Variants in OSBPL9 observed in about 807,000 individuals in gnomAD.
OSBPL9 encodes the protein oxysterol binding protein like 9, also known as oxysterol-binding protein-related protein 9.
A neutral mutation model predicts 106.6 loss-of-function variants in OSBPL9; 40 were observed. That is an observed-to-expected ratio of 0.38 (90% CI 0.29 to 0.49). OSBPL9 has a LOEUF of 0.49. Ranked by LOEUF, OSBPL9 falls within the 20% of genes least tolerant of loss-of-function variation. OSBPL9 has a pLI of 0.97. For synonymous variants in OSBPL9, 269 were observed against 295.4 expected (o/e 0.91, Z 0.92); for missense variants, 609 against 887.2 (o/e 0.69, Z 3.98).
chr1:51,747,033 G>C (rs961881399), intron 6 of OSBPL9, among the ~76,000 whole-genome samples: 26 of 152,122 alleles, frequency 1.7e-4, no homozygotes, highest in African/African-American at 6.3e-4. Context: ...GCATTGGCAC[G>C]ATCTCAGCTC....
At chr1:51,740,239 T>C (rs1238437599) in intron 4 of OSBPL9, 4 of 1,494,382 alleles carry the variant, frequency 2.7e-6, no homozygotes, top group Non-Finnish European at 3.6e-6. Flanking sequence ...AAGTATGCTC[T>C]ATACTTCTTT....
At chr1:51,778,107 G>A (rs947565591) in intron 15 of OSBPL9, among the ~76,000 whole-genome samples, 1 of 152,114 alleles carries the variant, frequency 6.6e-6, no homozygotes, top group African/African-American at 2.4e-5. Flanking sequence ...GGGACTGTGA[G>A]CTATAATCAC....
At chr1:51,558,909 T>G in the OSBPL9 span, among the ~76,000 whole-genome samples, 1 of 152,122 alleles carries the variant, frequency 6.6e-6, no homozygotes, top group Non-Finnish European at 1.5e-5. Context: ...GGAGTCCCAA[T>G]GGTAAGAGGA....
chr1:51,535,270 C>G, the OSBPL9 span, among the ~76,000 whole-genome samples: 1 of 152,126 alleles, frequency 6.6e-6, no homozygotes, highest in Non-Finnish European at 1.5e-5. Flanking sequence ...CTCTAGGCAT[C>G]TAGGAGAGGG....
chr1:51,690,352 A>G (rs1045858408), intron 3 of OSBPL9, among the ~76,000 whole-genome samples: 3 of 152,218 alleles, frequency 2.0e-5, no homozygotes, highest in African/African-American at 4.8e-5. Flanking sequence ...CTGGTTGCCC[A>G]CTACAGTGCT....
intron 3 of OSBPL9, among the ~76,000 whole-genome samples, chr1:51,703,936 G>A (rs1329604904): frequency 1.3e-5 from 2 of 152,128 alleles, no homozygotes; most frequent in African/African-American, 2.4e-5. Context: ...GCTGGATTAC[G>A]TTTATTGATT....
intron 3 of OSBPL9, among the ~76,000 whole-genome samples, chr1:51,692,735 T>C (rs1655238920): frequency 6.7e-6 from 1 of 148,388 alleles, no homozygotes; most frequent in South Asian, 2.2e-4. Context: ...TGATCATGGC[T>C]CACTGCAGCC....
At position 51,765,907 on chromosome 1, in the gene OSBPL9, C is replaced by T; in HGVS notation, c.864C>T (p.Tyr288=). 1 of 1,614,062 alleles carries T rather than the reference C, an allele frequency of 6.2e-7. No individual in the cohort carries two copies. Among genetic ancestry groups the T allele is most frequent in the Non-Finnish European group, 8.5e-7 (1 of 1,179,964 alleles). Reference sequence around the variant, plus strand: ...CAAATACAGTCCCAGAGTTCTCTTACTCCAGCAGTGAAGATGAATTTTATG... The same window carrying T: ...CAAATACAGTCCCAGAGTTCTCTTATTCCAGCAGTGAAGATGAATTTTATG... ...LSPNTVPEFS[Y]SSSEDEFYDA... Residue 288 remains tyrosine (Y), a synonymous_variant, in exon 12 of 24, where the codon TAC becomes TAT. Coordinates refer to ENST00000428468, the MANE Select transcript of OSBPL9 (RefSeq NM_024586.6).
In OSBPL9 at chr1:51,784,526, C is replaced by T. The variant is rs746444809; in HGVS notation, c.1773C>T (p.Ile591=). 7 of 1,613,726 alleles carry T rather than the reference C, an allele frequency of 4.3e-6. No individual in the cohort carries two copies. The highest frequency in any genetic ancestry group is 5.9e-6 in the Non-Finnish European group (7 of 1,179,702). ...AAACAGGCTATAGTGCAAATATCAT[C>T]TTCCACACTAAACCCTTCTATGGGG... is the stretch of plus-strand genomic sequence containing the variant. ...CSKTGYSANI[I]FHTKPFYGGK... Residue 591 remains isoleucine (I), a synonymous_variant, in exon 20 of 24, where the codon ATC becomes ATT. Coordinates refer to ENST00000428468, the MANE Select transcript of OSBPL9 (RefSeq NM_024586.6).
the OSBPL9 span, among the ~76,000 whole-genome samples, chr1:51,539,092 C>T: frequency 6.6e-6 from 1 of 152,158 alleles, no homozygotes; most frequent in South Asian, 2.1e-4. Flanking sequence ...AAATTTACAT[C>T]TTTTTCCCAG....
chr1:51,652,168 A>G (rs1646556581), intron 2 of OSBPL9, 127 bp downstream of exon 2: 2 of 655,674 alleles, frequency 3.1e-6, no homozygotes, highest in African/African-American at 3.7e-5. Flanking sequence ...TCTAAGTCTC[A>G]GAGAGAAAAT....
At chr1:51,772,546 A>G in intron 13 of OSBPL9, 59 bp from the exon 14 acceptor site, 1 of 1,265,958 alleles carries the variant, frequency 7.9e-7, no homozygotes, top group Non-Finnish European at 1.2e-6. Context: ...TTGTAATTCT[A>G]GTATCAGGAC....
chr1:51,770,506 G>A (rs1673634595), intron 12 of OSBPL9, among the ~76,000 whole-genome samples: 1 of 152,106 alleles, frequency 6.6e-6, no homozygotes, highest in Admixed American at 6.6e-5. Context: ...TCAAACTCCT[G>A]GGCTCAAGTG....
At chr1:51,727,815 T>C (rs1314405804) in intron 4 of OSBPL9, among the ~76,000 whole-genome samples, 3 of 152,258 alleles carry the variant, frequency 2.0e-5, no homozygotes, top group African/African-American at 7.2e-5. Flanking sequence ...ATGGGCAACA[T>C]GAGACCTGTG....
intron 1 of OSBPL9, among the ~76,000 whole-genome samples, chr1:51,596,560 CAAAAA>C (rs1181151999): frequency 3.5e-5 from 1 of 28,790 alleles, no homozygotes; most frequent in Admixed American, 3.8e-4. Context: ...ACTCTTGTCG[CAAAAA>C]AAAAAAAAAA....
the OSBPL9 span, among the ~76,000 whole-genome samples, chr1:51,550,436 A>G: frequency 6.6e-6 from 1 of 152,264 alleles, no homozygotes; most frequent in Non-Finnish European, 1.5e-5. Context: ...CATCTGCAAG[A>G]GGAAAACATC....
chr1:51,730,144 TG>T, intron 4 of OSBPL9: 5 of 1,244,556 alleles, frequency 4.0e-6, no homozygotes, highest in Non-Finnish European at 5.1e-6. Context: ...ACGACGTGGC[TG>T]CCCGGGCCCC....
intron 1 of OSBPL9, among the ~76,000 whole-genome samples, chr1:51,631,089 G>T (rs1055694069): frequency 4.6e-5 from 7 of 152,160 alleles, no homozygotes; most frequent in African/African-American, 1.4e-4. Flanking sequence ...AAGATAGTTT[G>T]GTGTGCTGGG....
chr1:51,667,711 A>G (rs1230358418), intron 2 of OSBPL9, among the ~76,000 whole-genome samples: 2 of 152,250 alleles, frequency 1.3e-5, no homozygotes, highest in Admixed American at 6.5e-5. Context: ...TCAGTTAATC[A>G]CAAATTACAT....
Sources: gnomAD v4.1 joint callset for allele counts (sites outside exome capture counted in the v4.1 genomes callset) on GRCh38, gnomAD v4.1.1 for gene constraint, MANE v1.5 for transcripts, NCBI Gene and HGNC (gene_info 2026-07-23, HGNC 2026-07-21) for gene names.